Variants in CCSER1 observed in about 807,000 individuals in gnomAD.
CCSER1 encodes serine-rich coiled-coil domain-containing protein 1.
A neutral mutation model predicts 82.0 loss-of-function variants in CCSER1; 41 were observed. That is an observed-to-expected ratio of 0.50 (90% confidence interval 0.39 to 0.65). CCSER1 has a LOEUF of 0.65. Among genes scored for constraint, CCSER1 ranks in the 30% least tolerant of loss-of-function variants. The probability of loss-of-function intolerance (pLI) is 0.00; values close to 1 mark genes in which losing one functional copy is unlikely to be tolerated. For missense variants in CCSER1, 1,119 were observed against 1,064.2 expected (o/e 1.05, Z -0.72); for synonymous variants, 414 against 383.9 (o/e 1.08, Z -0.92).
At chr4:90,752,702 C>T (rs1748862058) in intron 7 of CCSER1, among the ~76,000 whole-genome samples, 1 of 152,016 alleles carries the variant, frequency 6.6e-6, no homozygotes, top group Admixed American at 6.6e-5. Context: ...TACTCATTTC[C>T]TGGGTGATTT....
At chr4:91,016,134 T>C (rs1207076727) in intron 9 of CCSER1, among the ~76,000 whole-genome samples, 1 of 152,038 alleles carries the variant, frequency 6.6e-6, no homozygotes, top group Non-Finnish European at 1.5e-5. Context: ...AAAATAATTA[T>C]AGTTTTAATG....
intron 10 of CCSER1, among the ~76,000 whole-genome samples, chr4:91,099,349 A>G (rs1724830408): frequency 6.6e-6 from 1 of 152,186 alleles, no homozygotes; most frequent in South Asian, 2.1e-4. Flanking sequence ...TGAATTTAAG[A>G]TCAAGAGACC....
At chr4:91,205,723 C>T (rs1049631771) in intron 10 of CCSER1, among the ~76,000 whole-genome samples, 2 of 151,282 alleles carry the variant, frequency 1.3e-5, no homozygotes, top group African/African-American at 4.9e-5. Context: ...ACCTGGCCTC[C>T]CTTTCTACTG....
chr4:90,872,237 C>G (rs1441848095), intron 8 of CCSER1, among the ~76,000 whole-genome samples: 1 of 151,440 alleles, frequency 6.6e-6, no homozygotes, highest in Non-Finnish European at 1.5e-5. Context: ...GTATTTTTTC[C>G]TTCCTTCTCC....
chr4:90,745,867 A>T lies in CCSER1; in HGVS notation c.2010+21876A>T, dbSNP rs570036730. On this transcript the variant is annotated intron_variant, in intron 7 of 10. Coordinates refer to ENST00000509176, the MANE Select transcript of CCSER1 (RefSeq NM_001145065.2). Reference sequence around the variant, plus strand: ...ACCACACCCAGCTAAATTTTTTTTAATTTTTTTTTTCTTTAGTAGAGACGG... The same window carrying T: ...ACCACACCCAGCTAAATTTTTTTTATTTTTTTTTTTCTTTAGTAGAGACGG... Among the ~76,000 whole-genome samples the T allele has an allele frequency of 9.4e-3, 1,385 of 146,982 alleles. 16 individuals are homozygous for T. Among genetic ancestry groups the T allele is most frequent in the African/African-American group, 0.032 (1,285 of 40,450 alleles).
Position 91,030,544 on chromosome 4 carries a change from A to C in CCSER1, c.2173-55406A>C, listed in dbSNP as rs1471905874. 2.0e-5 allele frequency among the ~76,000 whole-genome samples: 3 copies of C among 152,050 alleles called. No homozygotes were observed. The East Asian group carries it at 5.8e-4, about 29-fold the overall frequency. On this transcript the variant is annotated intron_variant, in intron 9 of 10. Transcript: ENST00000509176. ...GAGCTGTGGAGGCAGGACTCATGAG[A>C]GAGGGTCTTTGGTCATTCATTTCTG... is the stretch of plus-strand genomic sequence containing the variant.
intron 10 of CCSER1, among the ~76,000 whole-genome samples, chr4:91,098,957 A>G (rs1236914295): frequency 1.3e-5 from 2 of 152,210 alleles, no homozygotes; most frequent in Non-Finnish European, 2.9e-5. Context: ...ATCATTAAGC[A>G]CTATTGTTCC....
intron 1 of CCSER1, among the ~76,000 whole-genome samples, chr4:90,130,362 T>C (rs1722603616): frequency 6.6e-6 from 1 of 152,174 alleles, no homozygotes; most frequent in African/African-American, 2.4e-5. Context: ...AACATGACAA[T>C]AACATTTCAT....
At chr4:91,428,018 T>C (rs180796537) in intron 10 of CCSER1, among the ~76,000 whole-genome samples, 2 of 152,182 alleles carry the variant, frequency 1.3e-5, no homozygotes, top group Admixed American at 1.3e-4. Context: ...GATTCTACAC[T>C]CATTTTCAAT....
intron 8 of CCSER1, among the ~76,000 whole-genome samples, chr4:90,889,116 CTG>C (rs1014033430): frequency 1.3e-5 from 2 of 152,120 alleles, no homozygotes; most frequent in African/African-American, 4.8e-5. Context: ...TTGAGAAAAA[CTG>C]TCAACTGCGT....
intron 10 of CCSER1, among the ~76,000 whole-genome samples, chr4:91,369,543 G>A (rs970755859): frequency 1.3e-5 from 2 of 150,812 alleles, no homozygotes; most frequent in Non-Finnish European, 3.0e-5. Context: ...CCACAAAGTA[G>A]TCGTTTTCAT....
chr4:90,547,192 A>G (rs1388103292), intron 5 of CCSER1, among the ~76,000 whole-genome samples: 3 of 105,984 alleles, frequency 2.8e-5, no homozygotes, highest in African/African-American at 9.7e-5. Context: ...GTTGATGCCT[A>G]TTGTTAATGC....
chr4:90,311,710 T>C (rs750192815), intron 2 of CCSER1, among the ~76,000 whole-genome samples: 2 of 152,224 alleles, frequency 1.3e-5, no homozygotes, highest in Non-Finnish European at 2.9e-5. Flanking sequence ...TAATGAGTTA[T>C]CTGGCAATTT....
At chr4:91,464,050 T>A (rs1442412478) in intron 10 of CCSER1, among the ~76,000 whole-genome samples, 1 of 152,038 alleles carries the variant, frequency 6.6e-6, no homozygotes, top group Admixed American at 6.5e-5. Flanking sequence ...GACACATAAT[T>A]GTCAGATTTA....
At chr4:90,206,781 A>ACAGTGGGGTG (rs1553958477) in intron 1 of CCSER1, among the ~76,000 whole-genome samples, 2 of 123,118 alleles carry the variant, frequency 1.6e-5, no homozygotes, top group Non-Finnish European at 1.6e-5. Flanking sequence ...TCTGTCTAAT[A>ACAGTGGGGTG]TTAAAGTCTC....
chr4:90,890,261 T>C (rs1349393053), intron 8 of CCSER1, among the ~76,000 whole-genome samples: 3 of 152,184 alleles, frequency 2.0e-5, no homozygotes, highest in Non-Finnish European at 4.4e-5. Flanking sequence ...GATATGTGTC[T>C]ATGAAAAATG....
At chr4:91,324,401 G>A (rs1464080643) in intron 10 of CCSER1, among the ~76,000 whole-genome samples, 3 of 151,594 alleles carry the variant, frequency 2.0e-5, no homozygotes, top group East Asian at 3.9e-4. Context: ...TGTTGTCAAC[G>A]TCAACGTGCA....
chr4:91,466,604 C>G (rs1756924278), intron 10 of CCSER1, among the ~76,000 whole-genome samples: 1 of 151,996 alleles, frequency 6.6e-6, no homozygotes, highest in Non-Finnish European at 1.5e-5. Context: ...TTTAGAAAAC[C>G]CCATCATCTC....
intron 1 of CCSER1, among the ~76,000 whole-genome samples, chr4:90,194,968 A>G (rs1736325416): frequency 6.6e-6 from 1 of 152,106 alleles, no homozygotes; most frequent in African/African-American, 2.4e-5. Context: ...AGATATAAAA[A>G]AGGTTGAAAA....
Sources: allele counts gnomAD v4.1 joint callset (sites outside exome capture counted in the v4.1 genomes callset), GRCh38; gene constraint gnomAD v4.1.1; transcripts MANE v1.5; gene names NCBI Gene and HGNC (gene_info 2026-07-23, HGNC 2026-07-21).